ARHGAP12: variants seen among roughly 807,000 people sequenced by gnomAD.
The protein encoded by ARHGAP12 is rho GTPase-activating protein 12.
A neutral mutation model predicts 108.6 loss-of-function variants in ARHGAP12; 64 were observed. The observed-to-expected ratio is 0.59, with a 90% CI of 0.48 to 0.73. The LOEUF (loss-of-function observed/expected upper bound fraction) is 0.73, where lower values mean the gene tolerates loss of function less well. Ranked by LOEUF, ARHGAP12 falls within the 30% of genes least tolerant of loss-of-function variation. The probability of loss-of-function intolerance (pLI) is 0.00; values close to 1 mark genes in which losing one functional copy is unlikely to be tolerated. For synonymous variants in ARHGAP12, 312 were observed against 337.2 expected (o/e 0.93, Z 0.82); for missense variants, 940 against 1,005.9 (o/e 0.93, Z 0.89).
intron 3 of ARHGAP12, 98 bp from the exon 4 acceptor site, chr10:31,861,756 T>C (rs1290507259): frequency 2.6e-6 from 3 of 1,158,034 alleles, no homozygotes; most frequent in Non-Finnish European, 3.6e-6. Context: ...ACTAACTCAT[T>C]TTAAAACATA....
chr10:31,894,105 A>G (rs977486650), intron 3 of ARHGAP12, among the ~76,000 whole-genome samples: 3 of 152,234 alleles, frequency 2.0e-5, no homozygotes, highest in East Asian at 1.9e-4. Context: ...TCTCAAAATA[A>G]TAAGAGCTAT....
chr10:31,901,754 T>C (rs1838937144), intron 3 of ARHGAP12, among the ~76,000 whole-genome samples: 2 of 151,192 alleles, frequency 1.3e-5, no homozygotes, highest in South Asian at 2.1e-4. Flanking sequence ...CCAGAGGCTC[T>C]AGGGAAGAAT....
rs756703362 is a variant in ARHGAP12, at chr10:31,908,720, T to A, written c.136A>T (p.Thr46Ser). Residue 46 changes from threonine to serine, a missense_variant, in exon 3 of 20, where the codon ACC (threonine) becomes TCC (serine). Transcript: ENST00000344936. ...QGERYILVKK[T>S]NDDWWQVKPD... ...TTGACTTGCCACCAGTCATCATTGG[T>A]CTTTTTCACCAAGATGTACCTCTCC... 1 of 1,614,166 alleles carries A rather than the reference T, an allele frequency of 6.2e-7. No homozygotes were observed. The highest frequency in any genetic ancestry group is 1.1e-5 in the South Asian group (1 of 91,078).
chr10:31,815,642 G>A (rs913893767), intron 13 of ARHGAP12, among the ~76,000 whole-genome samples: 3 of 152,064 alleles, frequency 2.0e-5, no homozygotes, highest in East Asian at 1.9e-4. Flanking sequence ...CAAAAATCTC[G>A]AATCTGTAAG....
Position 31,814,247 on chromosome 10 carries a change from A to G in ARHGAP12, c.1834+12T>C. The G allele has an allele frequency of 6.2e-7, 1 of 1,604,966 alleles. No individual in the cohort carries two copies. On this transcript the variant is annotated intron_variant, in intron 14 of 19. Transcript: ENST00000344936. Reference sequence around the variant, plus strand: ...CACAAATCCTTAGCAAAATAGGGAAAGGACAACTTACAACGAAGCTTTTTG... The same window carrying G: ...CACAAATCCTTAGCAAAATAGGGAAGGGACAACTTACAACGAAGCTTTTTG...
chr10:31,898,117 T>C (rs1838780129), intron 3 of ARHGAP12, among the ~76,000 whole-genome samples: 1 of 152,016 alleles, frequency 6.6e-6, no homozygotes, highest in South Asian at 2.1e-4. Context: ...GAGCAAAACC[T>C]TGTCTCAACA....
intron 1 of ARHGAP12, among the ~76,000 whole-genome samples, chr10:31,919,723 G>A (rs1449837121): frequency 6.6e-6 from 1 of 151,718 alleles, no homozygotes; most frequent in African/African-American, 2.4e-5. Flanking sequence ...CCAGGGAGGT[G>A]GAGCTTCCAG....
At chr10:31,892,019 G>T (rs1332271474) in intron 3 of ARHGAP12, among the ~76,000 whole-genome samples, 4 of 151,964 alleles carry the variant, frequency 2.6e-5, no homozygotes, top group African/African-American at 9.7e-5. Flanking sequence ...CTTTGCAATG[G>T]GTTCGAACTT....
intron 6 of ARHGAP12, among the ~76,000 whole-genome samples, chr10:31,847,701 G>A (rs1307377391): frequency 6.6e-6 from 1 of 152,064 alleles, no homozygotes; most frequent in African/African-American, 2.4e-5. Flanking sequence ...ATGCATCACA[G>A]GGTTCCTTGC....
chr10:31,854,356 CTTTAAATGGTACATTG>C, intron 4 of ARHGAP12, 150 bp from the exon 5 acceptor site: 1 of 749,992 alleles, frequency 1.3e-6, no homozygotes, highest in South Asian at 2.2e-5. Context: ...ATTGATAAGT[CTTTAAATGGTACATTG>C]TAAGAGGTGA....
At chr10:31,877,315 T>C (rs1837768323) in intron 3 of ARHGAP12, among the ~76,000 whole-genome samples, 1 of 152,212 alleles carries the variant, frequency 6.6e-6, no homozygotes, top group Non-Finnish European at 1.5e-5. Context: ...TACACTAACA[T>C]AAAAACTACC....
chr10:31,875,477 A>G (rs1837694901), intron 3 of ARHGAP12, among the ~76,000 whole-genome samples: 1 of 152,204 alleles, frequency 6.6e-6, no homozygotes. Flanking sequence ...CAAGTTCTCC[A>G]AATTGCTAAT....
In ARHGAP12 at chr10:31,854,175, G is replaced by A; in HGVS notation, c.980C>T (p.Thr327Ile). ...CTGACTATCTGACTGGCTGTAAGAA[G>A]TGCTGTAGTAGTTTTCTTCCGATGA... ...LLSSEENYYSTSYSQSDSQCG... is the reference protein window; with the variant it reads ...LLSSEENYYSISYSQSDSQCG... The change falls in exon 5 of 20, where the codon ACT becomes ATT. Residue 327 changes from threonine (T) to isoleucine (I), a missense_variant. Thr to Ile is a moderately conservative substitution (Grantham distance 89). Transcript: ENST00000344936. 1 of 1,612,348 alleles carries A rather than the reference G, an allele frequency of 6.2e-7. No homozygotes were observed. Among genetic ancestry groups the A allele is most frequent in the Non-Finnish European group, 8.5e-7 (1 of 1,179,464 alleles).
chr10:31,869,555 A>G (rs1283507926), intron 3 of ARHGAP12, among the ~76,000 whole-genome samples: 2 of 151,624 alleles, frequency 1.3e-5, no homozygotes, highest in Non-Finnish European at 2.9e-5. Context: ...ACAAACAAAC[A>G]AACAACAAAA....
chr10:31,881,037 C>A (rs574146344), intron 3 of ARHGAP12, among the ~76,000 whole-genome samples: 1 of 152,048 alleles, frequency 6.6e-6, no homozygotes, highest in East Asian at 1.9e-4. Context: ...CAATTCCCCC[C>A]ACCTTCCCCT....
intron 3 of ARHGAP12, among the ~76,000 whole-genome samples, chr10:31,889,018 T>A (rs967631305): frequency 6.6e-6 from 1 of 152,060 alleles, no homozygotes; most frequent in African/African-American, 2.4e-5. Context: ...CAAATGATTC[T>A]CCTGCCTCAG....
chr10:31,818,398 C>T (rs575041872), intron 12 of ARHGAP12, among the ~76,000 whole-genome samples: 49 of 152,244 alleles, frequency 3.2e-4, no homozygotes, highest in African/African-American at 1.1e-3. Flanking sequence ...AAATGTCACA[C>T]CCCTTTTGGG....
intron 19 of ARHGAP12, among the ~76,000 whole-genome samples, chr10:31,808,193 A>G (rs1013027373): frequency 6.7e-6 from 1 of 150,226 alleles, no homozygotes; most frequent in Non-Finnish European, 1.5e-5. Flanking sequence ...TAAACTTTCC[A>G]TTTTACTCAT....
intron 9 of ARHGAP12, among the ~76,000 whole-genome samples, chr10:31,836,507 A>C (rs1178884734): frequency 2.6e-5 from 4 of 152,214 alleles, no homozygotes; most frequent in African/African-American, 9.6e-5. Context: ...TTTAAAATTT[A>C]TATTAAGGGA....
Sources: gnomAD v4.1 joint callset for allele counts (sites outside exome capture counted in the v4.1 genomes callset) on GRCh38, gnomAD v4.1.1 for gene constraint, MANE v1.5 for transcripts, NCBI Gene and HGNC (gene_info 2026-07-23, HGNC 2026-07-21) for gene names.